The following SLC6A3 variants were observed in gnomAD, a reference collection of about 807,000 sequenced individuals.
The protein encoded by SLC6A3 is solute carrier family 6 member 3.
Under a neutral mutation model 70.4 loss-of-function variants are expected in SLC6A3, and 19 were observed. The observed-to-expected ratio is 0.27, with a 90% CI of 0.19 to 0.40. SLC6A3 has a LOEUF of 0.40. Ranked by LOEUF, SLC6A3 falls within the 10% of genes least tolerant of loss-of-function variation. The probability of loss-of-function intolerance (pLI) is 1.00; values close to 1 mark genes in which losing one functional copy is unlikely to be tolerated. For synonymous variants in SLC6A3, 368 were observed against 356.6 expected, an observed-to-expected ratio of 1.03 and a Z score of -0.36; for missense variants, 613 against 838.5, an observed-to-expected ratio of 0.73 and a Z score of 3.32.
chr5:1,428,555 T>G (rs144022616), intron 4 of SLC6A3, among the ~76,000 whole-genome samples: 2 of 152,228 alleles, frequency 1.3e-5, no homozygotes, highest in African/African-American at 4.8e-5. Context: ...GGGTTCCTTT[T>G]ATTTCTCTCC....
rs373667971 is a variant in SLC6A3, at chr5:1,420,573, G to A, written c.923C>T (p.Ala308Val). 4 of 1,613,300 alleles carry A rather than the reference G, an allele frequency of 2.5e-6. No individual in the cohort carries two copies. Among genetic ancestry groups the A allele is most frequent in the Non-Finnish European group, 3.4e-6 (4 of 1,180,000 alleles). Residue 308 changes from alanine to valine, a missense_variant, in exon 6 of 15, where the codon GCG (alanine) becomes GTG (valine). By Grantham distance (64) the Ala-to-Val change is moderately conservative (BLOSUM62 0). Coordinates refer to ENST00000270349, the MANE Select transcript of SLC6A3 (RefSeq NM_001044.5). ...LSVDFYRLCE[A>V]SVWIDAATQV... ...CAGTGAGCAGACTGTACTCACAGAC[G>A]CCTCGCAGAGCCGGTAGAAGTCAAC...
Position 1,421,810 on chromosome 5 carries a change from C to T in SLC6A3, c.792+66G>A, listed in dbSNP as rs1193601057. 3.2e-6 allele frequency: 5 copies of T among 1,576,490 alleles called. No individual in the cohort carries two copies. Among genetic ancestry groups the T allele is most frequent in the Non-Finnish European group, 3.5e-6 (4 of 1,148,580 alleles). On this transcript the variant is annotated intron_variant, in intron 5 of 14. Coordinates refer to ENST00000270349, the MANE Select transcript of SLC6A3 (RefSeq NM_001044.5). This position sits in a 1 kb window ranked among gnomAD's most constrained non-coding sequence, Gnocchi z 7.2. ...GGCCACACGTGCACCTCCTGTCCAG[C>T]CACGGCCACATGTCCACTTGGTGGC...
Position 1,409,733 on chromosome 5 carries a change from G to T in SLC6A3, c.1386C>A (p.Phe462Leu). Reference sequence around the variant, plus strand: ...CGATGGTACGTACGTTGGTGACGCAGAACAGGGACAGGAGGAAGGTCGCCA... The same window carrying T: ...CGATGGTACGTACGTTGGTGACGCATAACAGGGACAGGAGGAAGGTCGCCA... ...IVLATFLLSL[F>L]CVTNGGIYVF... The change falls in exon 10 of 15, where the codon TTC becomes TTA. Residue 462 changes from phenylalanine (F) to leucine (L), a missense_variant. By Grantham distance (22) the Phe-to-Leu change is conservative. Transcript: ENST00000270349. 6.2e-7 allele frequency: 1 copy of T among 1,613,370 alleles called. No individual in the cohort carries two copies. Among genetic ancestry groups the T allele is most frequent in the Non-Finnish European group, 8.5e-7 (1 of 1,180,032 alleles).
intron 6 of SLC6A3, among the ~76,000 whole-genome samples, chr5:1,419,208 C>T (rs1187013907): frequency 6.6e-6 from 1 of 151,654 alleles, no homozygotes; most frequent in African/African-American, 2.4e-5. Flanking sequence ...TTCCTCCATC[C>T]ACCCATCCAT....
At chr5:1,424,702 A>G (rs981261680) in intron 4 of SLC6A3, among the ~76,000 whole-genome samples, 2 of 152,256 alleles carry the variant, frequency 1.3e-5, no homozygotes, top group African/African-American at 4.8e-5. Context: ...CCTTCTCACA[A>G]GGTTGCGTCC....
In SLC6A3 at chr5:1,432,693, C is replaced by A; in HGVS notation, c.424G>T (p.Gly142Cys). Reference protein sequence around the residue: ...WKICPILKGVGFTVILISLYV... With the variant: ...WKICPILKGVCFTVILISLYV... ...AGTGAGATGAGGATGACCGTGAAGC[C>A]CACACCTAGCGGGAAGGGGGAGGCC... The change falls in exon 4 of 15, where the codon GGC becomes TGC. Residue 142 changes from glycine (G) to cysteine (C), a missense_variant. By Grantham distance (159) the Gly-to-Cys change is radical. This residue lies in a region of SLC6A3 where 153 missense variants were observed against 249.4 expected (regional missense o/e 0.61). Coordinates refer to ENST00000270349, the MANE Select transcript of SLC6A3 (RefSeq NM_001044.5). 1 of 1,613,480 alleles carries A rather than the reference C, an allele frequency of 6.2e-7. No homozygotes were observed. The highest frequency in any genetic ancestry group is 8.5e-7 in the Non-Finnish European group (1 of 1,179,490).
intron 3 of SLC6A3, among the ~76,000 whole-genome samples, chr5:1,440,627 G>A (rs1180565757): frequency 6.6e-6 from 1 of 152,224 alleles, no homozygotes; most frequent in Non-Finnish European, 1.5e-5. Flanking sequence ...TCAAGTTAAA[G>A]TGAGGTCATT....
At position 1,411,084 on chromosome 5, in the gene SLC6A3, G is replaced by T. The variant is rs1278993446; in HGVS notation, c.1269+159C>A. Among the ~76,000 whole-genome samples the T allele has an allele frequency of 6.6e-6, 1 of 151,946 alleles. No homozygotes were observed. Among genetic ancestry groups the T allele is most frequent in the Non-Finnish European group, 1.5e-5 (1 of 67,992 alleles). On this transcript the variant is annotated intron_variant, in intron 9 of 14. Transcript: ENST00000270349. The surrounding 1 kb of genome is among the most constrained non-coding windows in gnomAD (Gnocchi z 6.5). Reference sequence around the variant, plus strand: ...ACCACTCACTCCAGCCCCGAGAAAGGTCTCCCAAATAATCACGGGGCTCGC... The same window carrying T: ...ACCACTCACTCCAGCCCCGAGAAAGTTCTCCCAAATAATCACGGGGCTCGC...
chr5:1,415,419 G>A (rs762667884), intron 7 of SLC6A3, among the ~76,000 whole-genome samples: 22 of 152,186 alleles, frequency 1.4e-4, no homozygotes, highest in Non-Finnish European at 2.4e-4. Flanking sequence ...CCAGGTGGAC[G>A]CAGGTGGGCT....
intron 2 of SLC6A3, 54 bp from the exon 3 acceptor site, chr5:1,441,544 C>T: frequency 1.9e-6 from 3 of 1,595,864 alleles, no homozygotes; most frequent in South Asian, 1.1e-5. Context: ...CCCATCTCTC[C>T]TCGTGGGAGC....
At position 1,408,203 on chromosome 5, in the gene SLC6A3, A is replaced by ATTTTTTTTTTTTT. The variant is rs760385170; in HGVS notation, c.1498+810_1498+822dup. ...AGCCTTGTGCCACCACACCCGGCTA[A>ATTTTTTTTTTTTT]TTTTTTTTTTTTTTTTTTTTAGTAA... is the stretch of plus-strand genomic sequence containing the variant. On this transcript the variant is annotated intron_variant, in intron 11 of 14. Transcript: ENST00000270349. This position sits in a 1 kb window ranked among gnomAD's most constrained non-coding sequence, Gnocchi z 6.4. Among the ~76,000 whole-genome samples, 2 of 131,544 alleles carry ATTTTTTTTTTTTT rather than the reference A, an allele frequency of 1.5e-5. No homozygotes were observed. Among genetic ancestry groups the ATTTTTTTTTTTTT allele is most frequent in the African/African-American group, 5.8e-5 (2 of 34,260 alleles). The allele number at this position is 131,544 out of a possible 152,430, so 86.3% of individuals were successfully genotyped here. A position where few individuals can be genotyped will look rare whatever the true frequency, so the allele number is the denominator to read the frequency against.
At chr5:1,419,655 C>G (rs963308952) in intron 6 of SLC6A3, among the ~76,000 whole-genome samples, 1 of 152,160 alleles carries the variant, frequency 6.6e-6, no homozygotes, top group African/African-American at 2.4e-5. Context: ...ACTTGTGGGC[C>G]CCCGGCCACA....
At position 1,396,631 on chromosome 5, in the gene SLC6A3, A is replaced by C. The variant is rs949482009; in HGVS notation, c.1840-1873T>G. ...AGGACCCCTGCTGAGGGTTCAGACG[A>C]GCACATCCCGCTGTGAATGAGGAGG... On this transcript the variant is annotated intron_variant, in intron 14 of 14. Coordinates refer to ENST00000270349, the MANE Select transcript of SLC6A3 (RefSeq NM_001044.5). The surrounding 1 kb of genome is among the most constrained non-coding windows in gnomAD (Gnocchi z 7.0). Among the ~76,000 whole-genome samples, 15 of 152,274 alleles carry C rather than the reference A, an allele frequency of 9.9e-5. No individual in the cohort carries two copies. Among genetic ancestry groups the C allele is most frequent in the African/African-American group, 3.4e-4 (14 of 41,558 alleles).
intron 4 of SLC6A3, 78 bp downstream of exon 4, chr5:1,432,386 G>T: frequency 9.4e-7 from 1 of 1,065,140 alleles, no homozygotes; most frequent in Non-Finnish European, 1.4e-6. Flanking sequence ...AGCAAGGGCT[G>T]GTGTCCAACC....
intron 14 of SLC6A3, among the ~76,000 whole-genome samples, chr5:1,398,949 A>C (rs2249538): frequency 9.2e-5 from 14 of 152,260 alleles, no homozygotes; most frequent in African/African-American, 3.1e-4. Context: ...CCTAAAGTTG[A>C]CAAAGTGTAG....
Position 1,405,807 on chromosome 5 carries a change from C to T in SLC6A3, c.1599+381G>A, listed in dbSNP as rs1310965077. On this transcript the variant is annotated intron_variant, in intron 12 of 14. Coordinates refer to ENST00000270349, the MANE Select transcript of SLC6A3 (RefSeq NM_001044.5). The surrounding 1 kb of genome is among the most constrained non-coding windows in gnomAD (Gnocchi z 5.3). ...GCCCCTGCTGCTCTCATCCAGCACT[C>T]GGCATCCTTTGTCCCCACTGCCCCG... Among the ~76,000 whole-genome samples, 3 of 152,182 alleles carry T rather than the reference C, an allele frequency of 2.0e-5. No homozygotes were observed. Among genetic ancestry groups the T allele is most frequent in the East Asian group, 1.9e-4 (1 of 5,194 alleles).
chr5:1,395,130 G>A (rs750580631), intron 14 of SLC6A3, among the ~76,000 whole-genome samples: 2 of 152,130 alleles, frequency 1.3e-5, no homozygotes, highest in East Asian at 1.9e-4. Flanking sequence ...TGGGTGTGAC[G>A]TGGTGATGTC....
intron 12 of SLC6A3, among the ~76,000 whole-genome samples, chr5:1,403,781 G>GT (rs1476478897): frequency 1.3e-5 from 2 of 152,098 alleles, no homozygotes; most frequent in African/African-American, 4.8e-5. Flanking sequence ...CACCACAAAG[G>GT]TAACAGAGGG....
intron 7 of SLC6A3, 137 bp from the exon 8 acceptor site, chr5:1,414,952 C>T (rs570078672): frequency 3.8e-5 from 41 of 1,084,110 alleles, no homozygotes; most frequent in East Asian, 3.3e-4. Context: ...CCAGTGAGCA[C>T]GGCCAGCTCC....
Sources: gnomAD v4.1 joint callset for allele counts (sites outside exome capture counted in the v4.1 genomes callset) on GRCh38, gnomAD v4.1.1 for gene constraint, gnomAD v4.1.1 regional missense constraint, Gnocchi (gnomAD v3.1) non-coding constraint, MANE v1.5 for transcripts, NCBI Gene and HGNC (gene_info 2026-07-23, HGNC 2026-07-21) for gene names.